Variants in KIAA0586 observed in about 807,000 individuals in gnomAD.
The protein encoded by KIAA0586 is KIAA0586.
KIAA0586 carries 144 observed loss-of-function variants against 169.8 expected under a neutral mutation model. That is an observed-to-expected ratio of 0.85 (90% CI 0.74 to 0.97). The LOEUF is 0.97. Ranked by LOEUF, KIAA0586 falls within the 50% of genes least tolerant of loss-of-function variation. The probability of loss-of-function intolerance (pLI) is 0.00; values close to 1 mark genes in which losing one functional copy is unlikely to be tolerated. For missense variants in KIAA0586, 1,854 were observed against 1,823.0 expected (o/e 1.02, Z -0.31); for synonymous variants, 625 against 612.4 (o/e 1.02, Z -0.30).
chr14:58,472,367 T>TA (rs1181621471), intron 18 of KIAA0586, 88 bp downstream of exon 18: 2 of 601,170 alleles, frequency 3.3e-6, no homozygotes, highest in African/African-American at 3.9e-5. Context: ...AATATTATGT[T>TA]ACAGTGCTTT....
At chr14:58,451,195 T>C (rs1022786914) in intron 8 of KIAA0586, among the ~76,000 whole-genome samples, 1 of 152,044 alleles carries the variant, frequency 6.6e-6, no homozygotes, top group African/African-American at 2.4e-5. Context: ...TTCACCGTGT[T>C]AGCCAGGATG....
At chr14:58,529,945 T>C (rs1210590870) in intron 29 of KIAA0586, among the ~76,000 whole-genome samples, 1 of 152,206 alleles carries the variant, frequency 6.6e-6, no homozygotes, top group Non-Finnish European at 1.5e-5. Context: ...CAAGATTGTA[T>C]ATTTAGAAAA....
intron 14 of KIAA0586, among the ~76,000 whole-genome samples, chr14:58,464,423 T>TA (rs59548816): frequency 6.8e-6 from 1 of 148,044 alleles, no homozygotes; most frequent in African/African-American, 2.5e-5. Flanking sequence ...TTCCTGCATT[T>TA]AAAAAAAAAA....
chr14:58,557,460 G>A, the KIAA0586 span, among the ~76,000 whole-genome samples: 7 of 152,240 alleles, frequency 4.6e-5, no homozygotes, highest in Admixed American at 2.6e-4. Context: ...TATGTGGAAT[G>A]CAAAAAGCTG....
At chr14:58,485,508 C>A (rs1414104181) in intron 21 of KIAA0586, among the ~76,000 whole-genome samples, 1 of 151,984 alleles carries the variant, frequency 6.6e-6, no homozygotes, top group Non-Finnish European at 1.5e-5. Flanking sequence ...ATAATTAGTC[C>A]TTTAATAGAG....
intron 28 of KIAA0586, among the ~76,000 whole-genome samples, chr14:58,509,141 G>C (rs2141436655): frequency 6.6e-6 from 1 of 152,164 alleles, no homozygotes; most frequent in South Asian, 2.1e-4. Flanking sequence ...GATTGCTTGT[G>C]CCCGGGAGGC....
chr14:58,446,665 A>T (rs1595129621), intron 6 of KIAA0586, among the ~76,000 whole-genome samples: 1 of 152,200 alleles, frequency 6.6e-6, no homozygotes, highest in South Asian at 2.1e-4. Context: ...CATAAAGTAG[A>T]CATTAATTTG....
chr14:58,468,120 A>C (rs982385141), intron 16 of KIAA0586, among the ~76,000 whole-genome samples, 198 bp downstream of exon 16: 1 of 152,122 alleles, frequency 6.6e-6, no homozygotes, highest in Non-Finnish European at 1.5e-5. Context: ...ATCTCGGCTC[A>C]CTGCAACCTC....
At chr14:58,526,662 C>G (rs1874356074) in intron 29 of KIAA0586, among the ~76,000 whole-genome samples, 1 of 152,188 alleles carries the variant, frequency 6.6e-6, no homozygotes, top group Non-Finnish European at 1.5e-5. Flanking sequence ...CAAAGGATCA[C>G]AACTCCTCGC....
chr14:58,539,643 C>T (rs929281291), intron 29 of KIAA0586, among the ~76,000 whole-genome samples: 7 of 152,118 alleles, frequency 4.6e-5, no homozygotes, highest in African/African-American at 9.7e-5. Context: ...TTGTTTCCTA[C>T]GGATTGTATT....
In KIAA0586 at chr14:58,500,886, T is replaced by A. The variant is rs574614913; in HGVS notation, c.4168+1926T>A. Among the ~76,000 whole-genome samples, 32 of 152,310 alleles carry A rather than the reference T, an allele frequency of 2.1e-4. 1 individual carries two copies. Among genetic ancestry groups the A allele is most frequent in the Middle Eastern group, 6.8e-3 (2 of 294 alleles). On this transcript the variant is annotated intron_variant, in intron 27 of 30. Coordinates refer to ENST00000652326, the MANE Select transcript of KIAA0586 (RefSeq NM_001329943.3). ...GTATGAGAGCTGGAATAAGGTGGAA[T>A]GTATCGTTGTTCAGCATCAACTGGA...
intron 30 of KIAA0586, among the ~76,000 whole-genome samples, chr14:58,543,676 T>G (rs1475275698): frequency 6.6e-6 from 1 of 152,216 alleles, no homozygotes; most frequent in Non-Finnish European, 1.5e-5. Context: ...TACTGCCTAG[T>G]CAGTCAACCA....
chr14:58,448,805 T>C (rs1405139238), intron 7 of KIAA0586, among the ~76,000 whole-genome samples: 1 of 152,138 alleles, frequency 6.6e-6, no homozygotes, highest in African/African-American at 2.4e-5. Context: ...TCAGAAGCAC[T>C]TATAAATTTA....
intron 21 of KIAA0586, among the ~76,000 whole-genome samples, chr14:58,484,900 A>ATATATTTATATATATTTT (rs2042296789): frequency 1.1e-4 from 1 of 9,166 alleles, no homozygotes; most frequent in Non-Finnish European, 2.1e-4. Flanking sequence ...TTATATATAT[A>ATATATTTATATATATTTT]TATATATATA....
intron 6 of KIAA0586, among the ~76,000 whole-genome samples, chr14:58,447,561 A>C (rs1388575499): frequency 1.3e-5 from 2 of 151,584 alleles, no homozygotes; most frequent in Non-Finnish European, 2.9e-5. Flanking sequence ...GCTCACTGCC[A>C]CCTCCGTGTC....
upstream of KIAA0586, chr14:58,427,527 A>C: frequency 6.8e-7 from 1 of 1,479,794 alleles, no homozygotes; most frequent in Non-Finnish European, 9.1e-7. Context: ...GCAATGTGCT[A>C]CCTTAAAATA....
chr14:58,449,899 C>G (rs1374001925), intron 7 of KIAA0586, among the ~76,000 whole-genome samples: 1 of 151,996 alleles, frequency 6.6e-6, no homozygotes, highest in Admixed American at 6.6e-5. Context: ...AGTAAAAATT[C>G]AGTAAATTAA....
At chr14:58,524,377 T>C (rs1049540187) in intron 29 of KIAA0586, among the ~76,000 whole-genome samples, 1 of 152,208 alleles carries the variant, frequency 6.6e-6, no homozygotes, top group African/African-American at 2.4e-5. Flanking sequence ...ACAGTATTCC[T>C]CAAACTTTAA....
chr14:58,498,870 C>T lies in KIAA0586; in HGVS notation c.4078C>T (p.Leu1360Phe), dbSNP rs780106786. The T allele has an allele frequency of 2.5e-6, 4 of 1,613,020 alleles. No homozygotes were observed. In the South Asian group the frequency reaches 3.3e-5, roughly 13 times the overall value. Residue 1360 changes from leucine (L) to phenylalanine (F), a missense_variant, in exon 27 of 31, where the codon CTC (leucine) becomes TTC (phenylalanine). Leu to Phe is a conservative substitution (Grantham distance 22). Coordinates refer to ENST00000652326, the MANE Select transcript of KIAA0586 (RefSeq NM_001329943.3). ...AAENILMGHSLYMQPPVTNTQ... is the reference protein window; with the variant it reads ...AAENILMGHSFYMQPPVTNTQ... Reference sequence around the variant, plus strand: ...AGAGAACATCTTAATGGGACATTCTCTCTATATGCAGCCACCTGTCACTAA... The same window carrying T: ...AGAGAACATCTTAATGGGACATTCTTTCTATATGCAGCCACCTGTCACTAA...
Sources: allele counts gnomAD v4.1 joint callset (sites outside exome capture counted in the v4.1 genomes callset), GRCh38; gene constraint gnomAD v4.1.1; transcripts MANE v1.5; gene names NCBI Gene and HGNC (gene_info 2026-07-23, HGNC 2026-07-21).